Variants in EGLN3 observed in about 807,000 individuals in gnomAD.
EGLN3 encodes the protein egl-9 family hypoxia inducible factor 3.
EGLN3 carries 15 observed loss-of-function variants against 26.0 expected under a neutral mutation model. The observed-to-expected ratio is 0.58, with a 90% CI of 0.39 to 0.89. EGLN3 has a LOEUF of 0.89. Among genes scored for constraint, EGLN3 ranks in the 40% least tolerant of loss-of-function variants. EGLN3 has a pLI of 0.00. For synonymous variants in EGLN3, 147 were observed against 127.2 expected (o/e 1.16, Z -1.05); for missense variants, 238 against 311.6 (o/e 0.76, Z 1.78).
intron 1 of EGLN3, among the ~76,000 whole-genome samples, chr14:33,936,925 C>A (rs2064447370): frequency 6.6e-6 from 1 of 152,120 alleles, no homozygotes; most frequent in Non-Finnish European, 1.5e-5. Flanking sequence ...AAATCATTTG[C>A]AACTTAAATC....
At chr14:33,928,303 T>A (rs774164501) in intron 3 of EGLN3, among the ~76,000 whole-genome samples, 5 of 152,168 alleles carry the variant, frequency 3.3e-5, no homozygotes, top group Admixed American at 6.5e-5. Flanking sequence ...TTGTTAGGGT[T>A]TAATCATCAT....
chr14:33,938,298 T>C (rs1414811997), intron 1 of EGLN3, among the ~76,000 whole-genome samples: 1 of 152,214 alleles, frequency 6.6e-6, no homozygotes, highest in Non-Finnish European at 1.5e-5. Flanking sequence ...TAAGAGACTA[T>C]TGTCATTCCT....
rs2064555925 is a variant in EGLN3 at position 33,950,814 on chromosome 14, C to G, written c.-62G>C. On this transcript the variant is annotated 5_prime_UTR_variant, in exon 1 of 5. Transcript: ENST00000250457. ...GCAACCAGAGAGGGAACGATCTACA[C>G]GAGCGCGAAGCCGAGGCGCGGGGAG... 1.4e-6 allele frequency: 2 copies of G among 1,456,868 alleles called. No homozygotes were observed. The highest frequency in any genetic ancestry group is 2.3e-5 in the East Asian group (1 of 43,654). The allele number at this position is 1,456,868 out of a possible 1,614,324, so 90.2% of individuals were successfully genotyped here.
intron 1 of EGLN3, among the ~76,000 whole-genome samples, chr14:33,932,953 T>C (rs937824902): frequency 1.3e-5 from 2 of 152,122 alleles, no homozygotes; most frequent in African/African-American, 4.8e-5. Flanking sequence ...ACAGAGCCAA[T>C]AATGAAAGTC....
At chr14:33,941,369 T>C (rs1364586511) in intron 1 of EGLN3, among the ~76,000 whole-genome samples, 1 of 151,718 alleles carries the variant, frequency 6.6e-6, no homozygotes, top group African/African-American at 2.4e-5. Flanking sequence ...CAGGTGTGAC[T>C]CGGGTATTTC....
At chr14:33,946,307 C>T (rs946137422) in intron 1 of EGLN3, among the ~76,000 whole-genome samples, 2 of 152,084 alleles carry the variant, frequency 1.3e-5, no homozygotes, top group Non-Finnish European at 2.9e-5. Context: ...ACCCAGGAGG[C>T]GGAGGTTGTG....
chr14:33,935,000 C>T (rs1048963095), intron 1 of EGLN3, among the ~76,000 whole-genome samples: 1 of 152,218 alleles, frequency 6.6e-6, no homozygotes, highest in African/African-American at 2.4e-5. Flanking sequence ...GCTAGATCCC[C>T]TCCAGCTGCT....
intron 3 of EGLN3, among the ~76,000 whole-genome samples, chr14:33,928,405 A>T (rs1004327680): frequency 6.6e-6 from 1 of 152,220 alleles, no homozygotes. Flanking sequence ...TTATTGCTTT[A>T]GACACAGACA....
chr14:33,939,711 A>T (rs570132871), intron 1 of EGLN3, among the ~76,000 whole-genome samples: 1 of 152,174 alleles, frequency 6.6e-6, no homozygotes, highest in South Asian at 2.1e-4. Flanking sequence ...CACAAATCGG[A>T]CCTCCTTCAC....
intron 1 of EGLN3, among the ~76,000 whole-genome samples, chr14:33,938,071 G>A (rs2064454877): frequency 1.3e-5 from 2 of 152,120 alleles, no homozygotes; most frequent in African/African-American, 4.8e-5. Flanking sequence ...GTTCTACCAG[G>A]CACAATAGCC....
intron 4 of EGLN3, among the ~76,000 whole-genome samples, chr14:33,926,523 A>C: frequency 6.6e-6 from 1 of 152,194 alleles, no homozygotes; most frequent in East Asian, 1.9e-4. Flanking sequence ...TGGAAGGGAT[A>C]GGAGTAGTGC....
chr14:33,938,180 T>A, intron 1 of EGLN3, among the ~76,000 whole-genome samples: 1 of 152,220 alleles, frequency 6.6e-6, no homozygotes, highest in East Asian at 1.9e-4. Flanking sequence ...AAAGTTGAAC[T>A]GTGCGGGATC....
intron 1 of EGLN3, among the ~76,000 whole-genome samples, chr14:33,940,130 G>A (rs1367131064): frequency 6.6e-6 from 1 of 152,176 alleles, no homozygotes; most frequent in Admixed American, 6.5e-5. Flanking sequence ...GACCCTACTT[G>A]TCCAAGTCAT....
intron 1 of EGLN3, among the ~76,000 whole-genome samples, chr14:33,936,245 A>G (rs2064442144): frequency 6.6e-6 from 1 of 152,034 alleles, no homozygotes; most frequent in Non-Finnish European, 1.5e-5. Context: ...ATATAAATAA[A>G]TAAATAAGAG....
Position 33,929,183 on chromosome 14 carries a change from T to C in EGLN3, c.507A>G (p.Pro169=). The C allele has an allele frequency of 6.2e-7, 1 of 1,614,192 alleles. No individual in the cohort carries two copies. Among genetic ancestry groups the C allele is most frequent in the Non-Finnish European group, 8.5e-7 (1 of 1,180,024 alleles). ...CATCTGCTATGAATGATTTCCCCTC[T>C]GGAAATATCCGCAGGATCCCACCAT... is the stretch of plus-strand genomic sequence containing the variant. ...KLHGGILRIF[P]EGKSFIADVE... The change falls in exon 3 of 5, where the codon CCA becomes CCG. Residue 169 remains proline (P), a synonymous_variant. Transcript: ENST00000250457.
rs778652036 is a variant in EGLN3, at chr14:33,927,054, T to G, written c.615-21A>C. On this transcript the variant is annotated intron_variant, in intron 3 of 4. Transcript: ENST00000250457. ...CATATCTGTGAAAGATAAGCAGATA[T>G]AAGGAAAGAGATTTAATGGTACTAC... The G allele has an allele frequency of 4.5e-6, 7 of 1,557,220 alleles. No individual in the cohort carries two copies. The South Asian group carries it at 8.7e-5, about 19-fold the overall frequency.
intron 4 of EGLN3, among the ~76,000 whole-genome samples, chr14:33,926,169 G>T (rs551128572): frequency 6.6e-6 from 1 of 152,314 alleles, no homozygotes; most frequent in African/African-American, 2.4e-5. Context: ...CTGAGCATAA[G>T]TTGTATGAAG....
rs1315642364 is a variant in EGLN3 at position 33,950,519 on chromosome 14, G to C, written c.234C>G (p.Ile78Met). 6.2e-7 allele frequency: 1 copy of C among 1,613,538 alleles called. No individual in the cohort carries two copies. The highest frequency in any genetic ancestry group is 8.5e-7 in the Non-Finnish European group (1 of 1,180,036). ...CCTCCTCGTTGCCCCCGATCCACGT[G>C]ATCTGGTCGCCCCGCAGGTGTCGCT... ...VSKRHLRGDQITWIGGNEEGC... is the reference protein window; with the variant it reads ...VSKRHLRGDQMTWIGGNEEGC... The change falls in exon 1 of 5, where the codon ATC becomes ATG. Residue 78 changes from isoleucine to methionine, a missense_variant. By Grantham distance (10) the Ile-to-Met change is conservative. Transcript: ENST00000250457.
At chr14:33,946,792 C>T (rs1450515230) in intron 1 of EGLN3, among the ~76,000 whole-genome samples, 1 of 152,186 alleles carries the variant, frequency 6.6e-6, no homozygotes, top group Non-Finnish European at 1.5e-5. Context: ...CTTCTTCCTC[C>T]AACAGCTTTA....
Sources: gnomAD v4.1 joint callset for allele counts (sites outside exome capture counted in the v4.1 genomes callset) on GRCh38, gnomAD v4.1.1 for gene constraint, MANE v1.5 for transcripts, NCBI Gene and HGNC (gene_info 2026-07-23, HGNC 2026-07-21) for gene names.